Variants in TLN2 observed in about 807,000 individuals in gnomAD.
TLN2 encodes talin 2.
TLN2 carries 118 observed loss-of-function variants against 294.7 expected under a neutral mutation model. The ratio of observed to expected loss-of-function variants is 0.40; its 90% confidence interval spans 0.34 to 0.47. TLN2 has a LOEUF of 0.47. Among genes scored for constraint, TLN2 ranks in the 20% least tolerant of loss-of-function variants. The probability of loss-of-function intolerance (pLI) is 0.84; values close to 1 mark genes in which losing one functional copy is unlikely to be tolerated. For synonymous variants in TLN2, 1,431 were observed against 1,304.5 expected (o/e 1.10, Z -2.09); for missense variants, 3,083 against 3,282.2 (o/e 0.94, Z 1.48).
chr15:62,702,566 A>C (rs1216615501), intron 18 of TLN2, among the ~76,000 whole-genome samples, 200 bp from the exon 19 acceptor site: 1 of 152,168 alleles, frequency 6.6e-6, no homozygotes, highest in Non-Finnish European at 1.5e-5. Context: ...CCATACAACT[A>C]TATTGCTGGT....
chr15:62,452,891 C>T (rs1423190717), intron 1 of TLN2, among the ~76,000 whole-genome samples: 5 of 151,976 alleles, frequency 3.3e-5, no homozygotes, highest in Non-Finnish European at 5.9e-5. Flanking sequence ...TGGGGGCTCT[C>T]GAAGTTTGCT....
chr15:62,437,302 A>G (rs2035330774), intron 1 of TLN2, among the ~76,000 whole-genome samples: 1 of 152,324 alleles, frequency 6.6e-6, no homozygotes, highest in African/African-American at 2.4e-5. Flanking sequence ...TGGGGGACAC[A>G]TACAAGTTTC....
chr15:62,691,771 G>C (rs987645789), intron 12 of TLN2, among the ~76,000 whole-genome samples: 2 of 151,930 alleles, frequency 1.3e-5, no homozygotes, highest in African/African-American at 4.8e-5. Context: ...CTGGGCTCAA[G>C]CGATCCTCCT....
Position 62,662,619 on chromosome 15 carries a change from G to A in TLN2, c.788+4721G>A, listed in dbSNP as rs140351280. ...AAATAATTTGTTGAGTGCCTTCTAC[G>A]GGGTAGACACTAGACACTGGAGATA... On this transcript the variant is annotated intron_variant, in intron 9 of 58. Coordinates refer to ENST00000636159, the MANE Select transcript of TLN2 (RefSeq NM_015059.3). Among the ~76,000 whole-genome samples, 22 of 152,158 alleles carry A rather than the reference G, an allele frequency of 1.4e-4. 1 individual carries two copies. The East Asian group carries it at 3.9e-3, about 27-fold the overall frequency.
chr15:62,400,741 G>A (rs1015305138), intron 1 of TLN2, among the ~76,000 whole-genome samples: 1 of 151,348 alleles, frequency 6.6e-6, no homozygotes, highest in Non-Finnish European at 1.5e-5. Context: ...TTTTTTGGAG[G>A]AAATTAAGCG....
intron 1 of TLN2, among the ~76,000 whole-genome samples, chr15:62,568,349 C>G (rs1041704984): frequency 6.6e-6 from 1 of 152,190 alleles, no homozygotes; most frequent in African/African-American, 2.4e-5. Flanking sequence ...GGCAAACCAT[C>G]GCATTCTGTC....
intron 1 of TLN2, among the ~76,000 whole-genome samples, chr15:62,503,356 C>G (rs2039411932): frequency 6.6e-6 from 1 of 152,192 alleles, no homozygotes; most frequent in African/African-American, 2.4e-5. Flanking sequence ...AGGATTTCTT[C>G]ACATCTTTGT....
At chr15:62,485,350 C>G (rs924894527) in intron 1 of TLN2, among the ~76,000 whole-genome samples, 1 of 152,188 alleles carries the variant, frequency 6.6e-6, no homozygotes. Context: ...GATAAGTGGC[C>G]GAAGCAGGTC....
intron 52 of TLN2, among the ~76,000 whole-genome samples, chr15:62,815,560 A>T (rs962380221): frequency 6.6e-6 from 1 of 152,228 alleles, no homozygotes; most frequent in African/African-American, 2.4e-5. Flanking sequence ...CAGGTGGTAC[A>T]TGGAGAATCG....
At chr15:62,770,286 T>G (rs548532087) in intron 41 of TLN2, among the ~76,000 whole-genome samples, 21 of 152,338 alleles carry the variant, frequency 1.4e-4, no homozygotes, top group Non-Finnish European at 2.5e-4. Context: ...GCTAGATGTT[T>G]GCAACACATG....
chr15:62,552,423 A>C (rs1296250966), intron 1 of TLN2, among the ~76,000 whole-genome samples: 1 of 152,216 alleles, frequency 6.6e-6, no homozygotes, highest in Non-Finnish European at 1.5e-5. Flanking sequence ...TGAAGCATGA[A>C]AAATTTGAGT....
chr15:62,671,187 T>A (rs889025325), intron 9 of TLN2, among the ~76,000 whole-genome samples: 2 of 152,240 alleles, frequency 1.3e-5, no homozygotes, highest in African/African-American at 4.8e-5. Context: ...TATTGTAATT[T>A]CCTCATACAT....
At chr15:62,547,612 C>T (rs766796994) in intron 1 of TLN2, among the ~76,000 whole-genome samples, 27 of 152,164 alleles carry the variant, frequency 1.8e-4, no homozygotes, top group Non-Finnish European at 2.6e-4. Flanking sequence ...ACCTATTGTT[C>T]GGTGGATGCC....
chr15:62,829,429 T>G (rs918282899), intron 54 of TLN2: 1 of 152,012 alleles, frequency 6.6e-6, no homozygotes, highest in African/African-American at 2.4e-5. Context: ...CTCATGAAAC[T>G]TACTCACTAT....
intron 47 of TLN2, 93 bp from the exon 48 acceptor site, chr15:62,797,126 A>G (rs1374975850): frequency 2.1e-6 from 3 of 1,412,910 alleles, no homozygotes; most frequent in African/African-American, 1.4e-5. Flanking sequence ...CCCTTTAACA[A>G]AAGCCCCATG....
chr15:62,501,260 G>A (rs1371775320), intron 1 of TLN2, among the ~76,000 whole-genome samples: 1 of 152,086 alleles, frequency 6.6e-6, no homozygotes, highest in Non-Finnish European at 1.5e-5. Flanking sequence ...TCATCTTTTG[G>A]CATCAGGGCT....
chr15:62,578,905 C>T (rs549021667), intron 1 of TLN2, among the ~76,000 whole-genome samples: 1 of 152,258 alleles, frequency 6.6e-6, no homozygotes, highest in South Asian at 2.1e-4. Context: ...TATTCCTTCT[C>T]TGTGTAGTCT....
At chr15:62,486,414 TGTCTCTTTA>T (rs1342356786) in intron 1 of TLN2, among the ~76,000 whole-genome samples, 1 of 151,852 alleles carries the variant, frequency 6.6e-6, no homozygotes, top group African/African-American at 2.4e-5. Flanking sequence ...TCAGTTGTCA[TGTCTCTTTA>T]GTCTCTTTTA....
intron 1 of TLN2, among the ~76,000 whole-genome samples, chr15:62,450,567 G>C (rs1315098772): frequency 3.8e-4 from 57 of 150,784 alleles, no homozygotes; most frequent in African/African-American, 1.3e-3. Flanking sequence ...GTGTGTGTGT[G>C]TGTGTGTCTG....
Sources: allele counts gnomAD v4.1 joint callset (sites outside exome capture counted in the v4.1 genomes callset), GRCh38; gene constraint gnomAD v4.1.1; transcripts MANE v1.5; gene names NCBI Gene and HGNC (gene_info 2026-07-23, HGNC 2026-07-21).